The following GDF11 variants were observed in gnomAD, a reference collection of about 807,000 sequenced individuals.
GDF11 encodes the protein growth differentiation factor 11.
Under a neutral mutation model 34.4 loss-of-function variants are expected in GDF11, and 12 were observed. The observed-to-expected ratio is 0.35, with a 90% CI of 0.22 to 0.57. The LOEUF (loss-of-function observed/expected upper bound fraction) is 0.57. GDF11 is among the 20% of genes least tolerant of loss of function. The pLI is 0.86. For synonymous variants in GDF11, 212 were observed against 231.1 expected, an observed-to-expected ratio of 0.92 and a Z score of 0.75; for missense variants, 346 against 548.2, an observed-to-expected ratio of 0.63 and a Z score of 3.68.
chr12:55,756,288 T>C lies in GDF11; in HGVS notation c.*6406T>C, dbSNP rs78380841. The C allele has an allele frequency of 6.6e-6, 1 of 152,302 alleles. No individual in the cohort carries two copies. The highest frequency in any genetic ancestry group is 1.9e-4 in the East Asian group (1 of 5,188). 9.4% of individuals were successfully genotyped at this position (152,302 alleles called of 1,614,324 possible). A position where few individuals can be genotyped will look rare whatever the true frequency, so the allele number is the denominator to read the frequency against. ...TCCAAAGTCTCAGAATGGGGCAAACTTCACAACAAATGGGCAGCAGTTTTT... is the reference window on the plus strand; with the variant it reads ...TCCAAAGTCTCAGAATGGGGCAAACCTCACAACAAATGGGCAGCAGTTTTT... On this transcript the variant is annotated 3_prime_UTR_variant, in exon 3 of 3. Transcript: ENST00000257868.
At position 55,752,931 on chromosome 12, in the gene GDF11, C is replaced by T. The variant is rs1375966046; in HGVS notation, c.*3049C>T. 1 of 152,124 alleles carries T rather than the reference C, an allele frequency of 6.6e-6. No individual in the cohort carries two copies. Among genetic ancestry groups the T allele is most frequent in the Admixed American group, 6.5e-5 (1 of 15,268 alleles). 9.4% of individuals were successfully genotyped at this position (152,124 alleles called of 1,614,324 possible). On this transcript the variant is annotated 3_prime_UTR_variant, in exon 3 of 3. Transcript: ENST00000257868. ...AGTGCCACATTTACACCTTGGAGAA[C>T]CGGAGGTGAAGAGGATCTGAGACAG...
In GDF11 at chr12:55,748,887, C is replaced by T. The variant is rs762385744; in HGVS notation, c.747C>T (p.Arg249=). The T allele has an allele frequency of 6.2e-7, 1 of 1,611,370 alleles. No individual in the cohort carries two copies. The highest frequency in any genetic ancestry group is 8.5e-7 in the Non-Finnish European group (1 of 1,179,898). Reference sequence around the variant, plus strand: ...AGCAAGTGCTACACAGCTGGTTCCGCCAGCCACAGAGCAACTGGGGCATCG... The same window carrying T: ...AGCAAGTGCTACACAGCTGGTTCCGTCAGCCACAGAGCAACTGGGGCATCG... The part of the protein sequence containing the change: ...DFKQVLHSWF[R]QPQSNWGIEI... The change falls in exon 2 of 3, where the codon CGC becomes CGT. Residue 249 remains arginine, a synonymous_variant. Coordinates refer to ENST00000257868, the MANE Select transcript of GDF11 (RefSeq NM_005811.5). The surrounding 1 kb of genome is among the most constrained non-coding windows in gnomAD (Gnocchi z 5.6).
rs1473541379 is a variant in GDF11, at chr12:55,751,987, A to C, written c.*2105A>C. On this transcript the variant is annotated 3_prime_UTR_variant, in exon 3 of 3. Transcript: ENST00000257868. ...ACATCTTATTCCTATTCTTATAGTG[A>C]GAAAGTGAAACAAGATCTTTCAGTA... 2 of 152,206 alleles carry C rather than the reference A, an allele frequency of 1.3e-5. No homozygotes were observed. Among genetic ancestry groups the C allele is most frequent in the Non-Finnish European group, 2.9e-5 (2 of 68,046 alleles). 9.4% of individuals were successfully genotyped at this position (152,206 alleles called of 1,614,324 possible). A position where few individuals can be genotyped will look rare whatever the true frequency, so the allele number is the denominator to read the frequency against.
chr12:55,743,660 A>G lies in GDF11; in HGVS notation c.344A>G (p.Asp115Gly). 1 of 1,603,796 alleles carries G rather than the reference A, an allele frequency of 6.2e-7. No homozygotes were observed. The highest frequency in any genetic ancestry group is 8.5e-7 in the Non-Finnish European group (1 of 1,179,638). ...GCGCCGCCGCTGCAGCAGATCCTGGACCTACACGACTTCCAGGGCGACGCG... is the reference window on the plus strand; with the variant it reads ...GCGCCGCCGCTGCAGCAGATCCTGGGCCTACACGACTTCCAGGGCGACGCG... ...PKAPPLQQIL[D>G]LHDFQGDALQ... Residue 115 changes from aspartate to glycine, a missense_variant, in exon 1 of 3, where the codon GAC becomes GGC. Asp to Gly is a moderately conservative substitution (Grantham distance 94). Transcript: ENST00000257868.
intron 1 of GDF11, among the ~76,000 whole-genome samples, chr12:55,746,679 G>A (rs923733824): frequency 4.6e-5 from 7 of 152,228 alleles, no homozygotes; most frequent in East Asian, 1.9e-4. Context: ...TAGAGAATGC[G>A]AAAATAGTAG....
chr12:55,745,919 T>G (rs1214740896), intron 1 of GDF11, among the ~76,000 whole-genome samples: 1 of 143,694 alleles, frequency 7.0e-6, no homozygotes, highest in Non-Finnish European at 1.5e-5. Flanking sequence ...AAGAGGCCCC[T>G]GCCCTCTCAG....
chr12:55,748,407 A>T lies in GDF11; in HGVS notation c.446-179A>T, dbSNP rs189416953. Among the ~76,000 whole-genome samples the T allele has an allele frequency of 6.6e-6, 1 of 152,360 alleles. No individual in the cohort carries two copies. The highest frequency in any genetic ancestry group is 1.9e-4 in the East Asian group (1 of 5,194). ...ATCAGTAAGGCCTTATAGGGCCATC[A>T]TCCTAAAGAGGAAGTGCTGTTTTAG... is the stretch of plus-strand genomic sequence containing the variant. On this transcript the variant is annotated intron_variant, in intron 1 of 2. Coordinates refer to ENST00000257868, the MANE Select transcript of GDF11 (RefSeq NM_005811.5). The surrounding 1 kb of genome is among the most constrained non-coding windows in gnomAD (Gnocchi z 5.6).
In GDF11 at chr12:55,755,405, G is replaced by A. The variant is rs1431289131; in HGVS notation, c.*5523G>A. 1 of 152,224 alleles carries A rather than the reference G, an allele frequency of 6.6e-6. No individual in the cohort carries two copies. Among genetic ancestry groups the A allele is most frequent in the Non-Finnish European group, 1.5e-5 (1 of 68,054 alleles). The allele number at this position is 152,224 out of a possible 1,614,324, so 9.4% of individuals were successfully genotyped here. ...CATAAAAAAGTACAGATTTACAGCT[G>A]AGGAAGCTAGTTCTCCCCACAGCTT... On this transcript the variant is annotated 3_prime_UTR_variant, in exon 3 of 3. Coordinates refer to ENST00000257868, the MANE Select transcript of GDF11 (RefSeq NM_005811.5).
rs138730217 is a variant in GDF11 at position 55,753,171 on chromosome 12, A to C, written c.*3289A>C. 5.3e-5 allele frequency: 8 copies of C among 152,366 alleles called. No homozygotes were observed. Among genetic ancestry groups the C allele is most frequent in the African/African-American group, 1.9e-4 (8 of 41,576 alleles). The allele number at this position is 152,366 out of a possible 1,614,324, so 9.4% of individuals were successfully genotyped here. ...CCTCTCCCAGCCTCCACAGAATGGA[A>C]GATCTAAAGGTTCTCTTGAGATGAT... is the stretch of plus-strand genomic sequence containing the variant. On this transcript the variant is annotated 3_prime_UTR_variant, in exon 3 of 3. Coordinates refer to ENST00000257868, the MANE Select transcript of GDF11 (RefSeq NM_005811.5).
At position 55,743,464 on chromosome 12, in the gene GDF11, C is replaced by T; in HGVS notation, c.148C>T (p.Arg50Trp). The T allele has an allele frequency of 7.6e-7, 1 of 1,322,628 alleles. No individual in the cohort carries two copies. The allele number at this position is 1,322,628 out of a possible 1,614,324, so 81.9% of individuals were successfully genotyped here. A position where few individuals can be genotyped will look rare whatever the true frequency, so the allele number is the denominator to read the frequency against. The change falls in exon 1 of 3, where the codon CGG becomes TGG. Residue 50 changes from arginine (R) to tryptophan (W), a missense_variant. By Grantham distance (101) the Arg-to-Trp change is moderately radical. Coordinates refer to ENST00000257868, the MANE Select transcript of GDF11 (RefSeq NM_005811.5). ...AAGVGGERSS[R>W]PAPSVAPEPD... is the part of the protein sequence containing the mutation. ...GGGGGTCGGGGGGGAGCGCTCCAGC[C>T]GGCCAGCCCCGTCCGTGGCGCCCGA...
rs982754275 is a variant in GDF11, at chr12:55,753,669, C to A, written c.*3787C>A. Reference sequence around the variant, plus strand: ...CCTGTAATCCCAGCTACATGGAAGGCTGAGGCAGAAGAATCGCTTGAACCC... The same window carrying A: ...CCTGTAATCCCAGCTACATGGAAGGATGAGGCAGAAGAATCGCTTGAACCC... On this transcript the variant is annotated 3_prime_UTR_variant, in exon 3 of 3. Coordinates refer to ENST00000257868, the MANE Select transcript of GDF11 (RefSeq NM_005811.5). 6.7e-6 allele frequency: 1 copy of A among 148,452 alleles called. No individual in the cohort carries two copies. Among genetic ancestry groups the A allele is most frequent in the Non-Finnish European group, 1.5e-5 (1 of 67,818 alleles). 9.2% of individuals were successfully genotyped at this position (148,452 alleles called of 1,614,324 possible). A position where few individuals can be genotyped will look rare whatever the true frequency, so the allele number is the denominator to read the frequency against.
At chr12:55,744,924 G>A (rs1265539241) in intron 1 of GDF11, among the ~76,000 whole-genome samples, 1 of 152,206 alleles carries the variant, frequency 6.6e-6, no homozygotes, top group African/African-American at 2.4e-5. Context: ...AGGAACCCAG[G>A]TGTGCATCTG....
At chr12:55,745,720 C>T (rs1878167927) in intron 1 of GDF11, among the ~76,000 whole-genome samples, 1 of 150,390 alleles carries the variant, frequency 6.6e-6, no homozygotes, top group South Asian at 2.1e-4. Flanking sequence ...GCCTCCGTTC[C>T]CCTCCCCCTC....
At chr12:55,745,987 G>A (rs1446960924) in intron 1 of GDF11, among the ~76,000 whole-genome samples, 2 of 150,726 alleles carry the variant, frequency 1.3e-5, no homozygotes. Flanking sequence ...TGTTTGGGGG[G>A]GTTAGGGTGG....
chr12:55,749,666 C>CA lies in GDF11; in HGVS notation c.1010dup (p.Ala338GlyfsTer50). 1 of 1,614,126 alleles carries CA rather than the reference C, an allele frequency of 6.2e-7. No individual in the cohort carries two copies. Among genetic ancestry groups the CA allele is most frequent in the Non-Finnish European group, 8.5e-7 (1 of 1,180,022 alleles). ...ACTGGATCATCGCACCTAAGCGCTA[C>CA]AAGGCCAACTACTGCTCCGGCCAGT... is the stretch of plus-strand genomic sequence containing the variant. On this transcript the variant is annotated frameshift_variant, in exon 3 of 3. Coordinates refer to ENST00000257868, the MANE Select transcript of GDF11 (RefSeq NM_005811.5). LOFTEE classifies it high-confidence loss of function. The surrounding 1 kb of genome is among the most constrained non-coding windows in gnomAD (Gnocchi z 5.6).
rs1878444136 is a variant in GDF11, at chr12:55,754,585, C to T, written c.*4703C>T. 6.6e-6 allele frequency: 1 copy of T among 152,196 alleles called. No individual in the cohort carries two copies. The highest frequency in any genetic ancestry group is 2.4e-5 in the African/African-American group (1 of 41,456). The allele number at this position is 152,196 out of a possible 1,614,324, so 9.4% of individuals were successfully genotyped here. A position where few individuals can be genotyped will look rare whatever the true frequency, so the allele number is the denominator to read the frequency against. On this transcript the variant is annotated 3_prime_UTR_variant, in exon 3 of 3. Transcript: ENST00000257868. Reference sequence around the variant, plus strand: ...TGCATTAACTGGGTGTATGCACACACAAACATGTTCAAACTAGGGCACTCA... The same window carrying T: ...TGCATTAACTGGGTGTATGCACACATAAACATGTTCAAACTAGGGCACTCA...
chr12:55,748,812 G>A lies in GDF11; in HGVS notation c.672G>A (p.Leu224=). The stretch of plus-strand genomic sequence containing the variant: ...GGCGTCACATCCGTATCCGCTCACT[G>A]AAGATTGAGCTGCACTCACGCTCAG... ...GGRRHIRIRS[L]KIELHSRSGH... Residue 224 remains leucine, a synonymous_variant, in exon 2 of 3, where the codon CTG becomes CTA. Coordinates refer to ENST00000257868, the MANE Select transcript of GDF11 (RefSeq NM_005811.5). This position sits in a 1 kb window ranked among gnomAD's most constrained non-coding sequence, Gnocchi z 5.6. 6.2e-7 allele frequency: 1 copy of A among 1,614,120 alleles called. No individual in the cohort carries two copies.
In GDF11 at chr12:55,749,711, A is replaced by C; in HGVS notation, c.1053A>C (p.Gln351His). ...CSGQCEYMFM[Q>H]KYPHTHLVQQ... ...GCCAGTGCGAGTACATGTTCATGCA[A>C]AAATATCCGCATACCCATTTGGTGC... Residue 351 changes from glutamine (Q) to histidine (H), a missense_variant, in exon 3 of 3, where the codon CAA (glutamine) becomes CAC (histidine). This residue lies in a region of GDF11 where 205 missense variants were observed against 311.3 expected (regional missense o/e 0.66). Transcript: ENST00000257868. The surrounding 1 kb of genome is among the most constrained non-coding windows in gnomAD (Gnocchi z 5.6). The C allele has an allele frequency of 6.2e-7, 1 of 1,614,160 alleles. No individual in the cohort carries two copies. The highest frequency in any genetic ancestry group is 8.5e-7 in the Non-Finnish European group (1 of 1,180,034).
intron 1 of GDF11, among the ~76,000 whole-genome samples, chr12:55,744,373 TACTGACCGAGCTCGGAGAGCTCA>T: frequency 6.6e-6 from 1 of 152,288 alleles, no homozygotes; most frequent in South Asian, 2.1e-4. Flanking sequence ...GCCTTCTTGA[TACTGACCGAGCTCGGAGAGCTCA>T]ACTCCATTGC....
Sources: allele counts gnomAD v4.1 joint callset (sites outside exome capture counted in the v4.1 genomes callset), GRCh38; gene constraint gnomAD v4.1.1; regional missense constraint gnomAD v4.1.1; non-coding constraint Gnocchi (gnomAD v3.1); transcripts MANE v1.5; gene names NCBI Gene and HGNC (gene_info 2026-07-23, HGNC 2026-07-21).